The following BRF1 variants were observed in gnomAD, a reference collection of about 807,000 sequenced individuals.
BRF1 encodes transcription factor IIIB 90 kDa subunit.
A neutral mutation model predicts 81.7 loss-of-function variants in BRF1; 59 were observed. That is an observed-to-expected ratio of 0.72 (90% confidence interval 0.59 to 0.90). The LOEUF (loss-of-function observed/expected upper bound fraction) is 0.90, where lower values mean the gene tolerates loss of function less well. Ranked by LOEUF, BRF1 falls within the 40% of genes least tolerant of loss-of-function variation. The probability of loss-of-function intolerance (pLI) is 0.00; values close to 1 mark genes in which losing one functional copy is unlikely to be tolerated. For missense variants in BRF1, 1,050 were observed against 936.3 expected, an observed-to-expected ratio of 1.12 and a Z score of -1.58; for synonymous variants, 491 against 395.6, an observed-to-expected ratio of 1.24 and a Z score of -2.86.
At chr14:105,249,481 A>C (rs767258177) in intron 5 of BRF1, 15 of 1,613,322 alleles carry the variant, frequency 9.3e-6, no homozygotes, top group African/African-American at 2.7e-5. Flanking sequence ...CTCTTAAAGT[A>C]AGTCCACTCT....
chr14:105,308,830 C>T (rs2058266923), intron 1 of BRF1, among the ~76,000 whole-genome samples: 2 of 151,988 alleles, frequency 1.3e-5, no homozygotes, highest in Middle Eastern at 6.8e-3. Flanking sequence ...CCTTAGGGAC[C>T]CAGCACAGTG....
At chr14:105,286,915 C>A (rs1014379586) in intron 1 of BRF1, among the ~76,000 whole-genome samples, 2 of 152,224 alleles carry the variant, frequency 1.3e-5, no homozygotes, top group East Asian at 3.9e-4. Context: ...ATGGGCTGGC[C>A]GTCCCCCTTG....
chr14:105,229,021 A>C, intron 6 of BRF1, 108 bp from the exon 7 acceptor site: 1 of 992,664 alleles, frequency 1.0e-6, no homozygotes, highest in African/African-American at 1.6e-5. Flanking sequence ...TGATGGCCTG[A>C]GAAGACGTGT....
At chr14:105,264,528 A>G (rs1357810231) in intron 3 of BRF1, among the ~76,000 whole-genome samples, 2 of 151,756 alleles carry the variant, frequency 1.3e-5, no homozygotes, top group Non-Finnish European at 2.9e-5. Flanking sequence ...TTAGCCGGGC[A>G]TGGTGGCGGG....
At chr14:105,222,105 G>T in intron 10 of BRF1, 191 bp from the exon 11 acceptor site, 1 of 609,836 alleles carries the variant, frequency 1.6e-6, no homozygotes, top group Non-Finnish European at 2.7e-6. Flanking sequence ...GCTCAAAGCA[G>T]ATCACAGACC....
intron 6 of BRF1, 142 bp downstream of exon 6, chr14:105,241,123 G>C (rs1319469332): frequency 7.3e-7 from 1 of 1,366,566 alleles, no homozygotes; most frequent in African/African-American, 1.4e-5. Context: ...CGGTGGGCCA[G>C]GCCAGAGTCA....
intron 3 of BRF1, among the ~76,000 whole-genome samples, chr14:105,259,442 T>C (rs188741116): frequency 6.6e-6 from 1 of 152,224 alleles, no homozygotes; most frequent in Non-Finnish European, 1.5e-5. Flanking sequence ...AGACTCTGTC[T>C]CTAAAAATAA....
intron 3 of BRF1, among the ~76,000 whole-genome samples, chr14:105,259,200 T>A (rs750514888): frequency 6.6e-6 from 1 of 152,018 alleles, no homozygotes; most frequent in Non-Finnish European, 1.5e-5. Flanking sequence ...TCCCAGCACT[T>A]TAGGAGGCTG....
At chr14:105,250,904 C>CT in intron 5 of BRF1, 1 of 558,418 alleles carries the variant, frequency 1.8e-6, no homozygotes, top group Non-Finnish European at 3.3e-6. Flanking sequence ...AGATTTACGG[C>CT]TCAAGACAGG....
intron 1 of BRF1, among the ~76,000 whole-genome samples, chr14:105,294,282 T>C (rs2140525042): frequency 6.6e-6 from 1 of 152,324 alleles, no homozygotes; most frequent in Non-Finnish European, 1.5e-5. Flanking sequence ...CCAGAGAGTG[T>C]GCCTGGGCTC....
rs1286460905 is a variant in BRF1 at position 105,241,538 on chromosome 14, G to A, written c.545-124C>T. On this transcript the variant is annotated intron_variant, in intron 5 of 17. Coordinates refer to ENST00000547530, the MANE Select transcript of BRF1 (RefSeq NM_001519.4). Reference sequence around the variant, plus strand: ...TTCCAGGCCCCCAGGCCCCCCACCAGTTCCCCTCCCCTGGACAAAGCCTCT... The same window carrying A: ...TTCCAGGCCCCCAGGCCCCCCACCAATTCCCCTCCCCTGGACAAAGCCTCT... The A allele has an allele frequency of 3.9e-6, 5 of 1,274,020 alleles. No individual in the cohort carries two copies. In the East Asian group the frequency reaches 9.9e-5, roughly 25 times the overall value. The allele number at this position is 1,274,020 out of a possible 1,614,324, so 78.9% of individuals were successfully genotyped here. A position where few individuals can be genotyped will look rare whatever the true frequency, so the allele number is the denominator to read the frequency against.
At chr14:105,308,723 C>T (rs1398993327) in intron 1 of BRF1, among the ~76,000 whole-genome samples, 4 of 152,102 alleles carry the variant, frequency 2.6e-5, no homozygotes, top group South Asian at 2.1e-4. Context: ...CTTCATGATC[C>T]GCCTGCCTCA....
At chr14:105,242,497 G>C (rs983970871) in intron 5 of BRF1, 12 of 151,920 alleles carry the variant, frequency 7.9e-5, no homozygotes, top group African/African-American at 2.4e-4. Context: ...AGCACTTTGG[G>C]GGCCGAGGCG....
chr14:105,252,753 C>G (rs997542073), intron 4 of BRF1, among the ~76,000 whole-genome samples, 174 bp from the exon 5 acceptor site: 2 of 152,234 alleles, frequency 1.3e-5, no homozygotes, highest in Non-Finnish European at 2.9e-5. Context: ...GCTCCCAGGG[C>G]CCTGCCTTCT....
intron 5 of BRF1, chr14:105,248,646 G>C (rs1361645409): frequency 2.0e-6 from 2 of 980,370 alleles, no homozygotes; most frequent in African/African-American, 3.5e-5. Context: ...CTCGGGCAGG[G>C]TCGCAGGGGC....
At chr14:105,304,342 A>G (rs76246963), upstream of BRF1, among the ~76,000 whole-genome samples, 36,195 of 151,884 alleles carry the variant, frequency 0.24, 5,150 homozygotes, top group Middle Eastern at 0.31. Context: ...TACAAAAATT[A>G]GCAGGTGTGA....
chr14:105,247,353 C>G (rs2055191142), intron 5 of BRF1: 20 of 985,498 alleles, frequency 2.0e-5, no homozygotes, highest in Non-Finnish European at 2.4e-5. Flanking sequence ...TCAAGTTCAG[C>G]CGCCTGGGGG....
chr14:105,250,220 C>T, intron 5 of BRF1: 1 of 1,612,956 alleles, frequency 6.2e-7, no homozygotes, highest in Non-Finnish European at 8.5e-7. Context: ...CCTCGCCCCG[C>T]AGAGGTGCCA....
At chr14:105,264,539 T>A (rs1241669726) in intron 3 of BRF1, among the ~76,000 whole-genome samples, 1 of 150,906 alleles carries the variant, frequency 6.6e-6, no homozygotes, top group African/African-American at 2.4e-5. Context: ...TGGTGGCGGG[T>A]GCCTGTAGTC....
Sources: allele counts gnomAD v4.1 joint callset (sites outside exome capture counted in the v4.1 genomes callset), GRCh38; gene constraint gnomAD v4.1.1; transcripts MANE v1.5; gene names NCBI Gene and HGNC (gene_info 2026-07-23, HGNC 2026-07-21).